The following RNLS variants were observed in gnomAD, a reference collection of about 807,000 sequenced individuals.
RNLS encodes renalase, FAD dependent amine oxidase, also known as renalase.
In RNLS, 39 loss-of-function variants were observed where a neutral mutation model predicts 39.8. The ratio of observed to expected loss-of-function variants is 0.98; its 90% CI spans 0.76 to 1.28. RNLS has a LOEUF of 1.28. Ranked by LOEUF, RNLS falls within the 50% of genes most tolerant of loss-of-function variation. The pLI is 0.00. For synonymous variants in RNLS, 147 were observed against 150.7 expected (o/e 0.98, Z 0.18); for missense variants, 410 against 413.3 (o/e 0.99, Z 0.07).
exon 7 of RNLS, chr10:88,274,830 A>G (rs1182930925): frequency 1.5e-6 from 1 of 648,090 alleles, no homozygotes; most frequent in African/African-American, 1.8e-5. Flanking sequence ...GGAATCCAAT[A>G]TCTCCACATC....
chr10:88,392,741 T>G (rs542995433), intron 4 of RNLS, among the ~76,000 whole-genome samples: 1 of 152,280 alleles, frequency 6.6e-6, no homozygotes, highest in Non-Finnish European at 1.5e-5. Flanking sequence ...AACAAAAAAT[T>G]AGGAGACATT....
chr10:88,487,302 G>A (rs927436386), intron 4 of RNLS, among the ~76,000 whole-genome samples: 1 of 151,662 alleles, frequency 6.6e-6, no homozygotes, highest in Non-Finnish European at 1.5e-5. Flanking sequence ...AAACCGCCAT[G>A]ACACATGCAC....
chr10:88,257,158 T>C, the RNLS span, among the ~76,000 whole-genome samples: 5 of 152,216 alleles, frequency 3.3e-5, no homozygotes, highest in Non-Finnish European at 5.9e-5. Flanking sequence ...ATCAGTTCTT[T>C]ATTTACTCAA....
chr10:88,317,949 T>C (rs1262852806), intron 5 of RNLS, among the ~76,000 whole-genome samples: 1 of 152,218 alleles, frequency 6.6e-6, no homozygotes, highest in Non-Finnish European at 1.5e-5. Context: ...TGTCAAACTG[T>C]TGGGGAGCCC....
chr10:88,352,540 G>A (rs1332011133), intron 5 of RNLS, among the ~76,000 whole-genome samples: 1 of 152,218 alleles, frequency 6.6e-6, no homozygotes, highest in African/African-American at 2.4e-5. Context: ...TTGCATCCCA[G>A]TGATGAAGCT....
At chr10:88,356,896 C>T (rs1475249987) in intron 5 of RNLS, among the ~76,000 whole-genome samples, 5 of 152,108 alleles carry the variant, frequency 3.3e-5, no homozygotes, top group African/African-American at 1.2e-4. Flanking sequence ...TGCCTATTGG[C>T]TATTTTATTG....
At chr10:88,310,565 A>C (rs1214080975) in intron 6 of RNLS, among the ~76,000 whole-genome samples, 1 of 152,064 alleles carries the variant, frequency 6.6e-6, no homozygotes, top group African/African-American at 2.4e-5. Flanking sequence ...CCAAAGCAGG[A>C]GGATCACTTC....
At chr10:88,271,917 T>C (rs570930934), downstream of RNLS, among the ~76,000 whole-genome samples, 48 of 152,326 alleles carry the variant, frequency 3.2e-4, 1 homozygote, top group Admixed American at 2.7e-3. Context: ...GGACAGATAG[T>C]GTGCAGTGCT....
intron 4 of RNLS, among the ~76,000 whole-genome samples, chr10:88,472,693 C>G (rs980543735): frequency 7.2e-5 from 11 of 152,080 alleles, no homozygotes; most frequent in African/African-American, 2.4e-4. Context: ...TATTAAGTAC[C>G]AAACTATTTG....
intron 4 of RNLS, among the ~76,000 whole-genome samples, chr10:88,506,882 G>A (rs1845825587): frequency 6.6e-6 from 1 of 152,176 alleles, no homozygotes; most frequent in African/African-American, 2.4e-5. Flanking sequence ...TGAAGTGGCA[G>A]AGTGGAGGTA....
chr10:88,494,392 A>G (rs935051561), intron 4 of RNLS, among the ~76,000 whole-genome samples: 1 of 152,178 alleles, frequency 6.6e-6, no homozygotes, highest in African/African-American at 2.4e-5. Flanking sequence ...CCAGTGGGGA[A>G]CAAAAGAATA....
chr10:88,551,182 A>G (rs971836341), intron 4 of RNLS, among the ~76,000 whole-genome samples: 1 of 152,222 alleles, frequency 6.6e-6, no homozygotes, highest in African/African-American at 2.4e-5. Context: ...ATATAGAAGA[A>G]AAGCCAAAAA....
At chr10:88,298,154 T>C (rs1048969243) in intron 6 of RNLS, among the ~76,000 whole-genome samples, 4 of 152,168 alleles carry the variant, frequency 2.6e-5, no homozygotes, top group African/African-American at 9.6e-5. Context: ...CCTTTGCTCA[T>C]TTTTTAATTG....
chr10:88,565,303 G>T (rs1409009179), intron 4 of RNLS, among the ~76,000 whole-genome samples: 1 of 151,932 alleles, frequency 6.6e-6, no homozygotes, highest in Non-Finnish European at 1.5e-5. Context: ...CTTTGTAAGT[G>T]GATGTCTTTT....
chr10:88,451,712 C>T lies in RNLS; in HGVS notation c.527-88987G>A, dbSNP rs561880658. Among the ~76,000 whole-genome samples, 5 of 152,296 alleles carry T rather than the reference C, an allele frequency of 3.3e-5. 1 individual carries two copies. The highest frequency in any genetic ancestry group is 9.6e-5 in the African/African-American group (4 of 41,566). ...GTAGGTAGCACTGAATCAAGAGGGT[C>T]TATTCTCTGCCCCACCCATCAACCC... On this transcript the variant is annotated intron_variant, in intron 4 of 6. Transcript: ENST00000331772.
chr10:88,313,334 G>A (rs1174761192), intron 6 of RNLS, among the ~76,000 whole-genome samples: 1 of 152,100 alleles, frequency 6.6e-6, no homozygotes, highest in Non-Finnish European at 1.5e-5. Context: ...TAGCTTCAAA[G>A]TATATCAACA....
chr10:88,205,210 A>G, the RNLS span, among the ~76,000 whole-genome samples: 2 of 152,176 alleles, frequency 1.3e-5, no homozygotes, highest in African/African-American at 4.8e-5. Flanking sequence ...TCTCCTTGCT[A>G]GACCGTGTCA....
At chr10:88,278,078 T>C (rs1195635140) in intron 6 of RNLS, among the ~76,000 whole-genome samples, 1 of 152,232 alleles carries the variant, frequency 6.6e-6, no homozygotes, top group African/African-American at 2.4e-5. Context: ...GTGGGTTTCC[T>C]GATTTTAGGC....
intron 4 of RNLS, among the ~76,000 whole-genome samples, chr10:88,438,524 A>G (rs1841536535): frequency 6.6e-6 from 1 of 152,134 alleles, no homozygotes; most frequent in Admixed American, 6.5e-5. Context: ...GCTTTTAGGA[A>G]TTTGTTTATT....
Sources: gnomAD v4.1 joint callset for allele counts (sites outside exome capture counted in the v4.1 genomes callset) on GRCh38, gnomAD v4.1.1 for gene constraint, MANE v1.5 for transcripts, NCBI Gene and HGNC (gene_info 2026-07-23, HGNC 2026-07-21) for gene names.